Variants in VWA7 observed in about 807,000 individuals in gnomAD.
VWA7 encodes the protein von Willebrand factor A domain containing 7.
A neutral mutation model predicts 83.1 loss-of-function variants in VWA7; 66 were observed. The ratio of observed to expected loss-of-function variants is 0.79; its 90% CI spans 0.65 to 0.98. VWA7 has a LOEUF of 0.98. VWA7 is among the 50% of genes least tolerant of loss of function. The pLI is 0.00. For missense variants in VWA7, 1,080 were observed against 1,160.2 expected, an observed-to-expected ratio of 0.93 and a Z score of 1.00; for synonymous variants, 424 against 488.5, an observed-to-expected ratio of 0.87 and a Z score of 1.74.
chr6:31,776,364 A>G lies in VWA7; in HGVS notation c.235-122T>C, dbSNP rs1812689166. ...GGGTCCTGAGCCCCACAAAGGAGGGACAGTCCCGGACCTTTCTAAGGAGGG... is the reference window on the plus strand; with the variant it reads ...GGGTCCTGAGCCCCACAAAGGAGGGGCAGTCCCGGACCTTTCTAAGGAGGG... On this transcript the variant is annotated intron_variant, in intron 2 of 16. Coordinates refer to ENST00000375688, the MANE Select transcript of VWA7 (RefSeq NM_025258.3). The surrounding 1 kb of genome is among the most constrained non-coding windows in gnomAD (Gnocchi z 6.2). The G allele has an allele frequency of 7.2e-7, 1 of 1,390,236 alleles. No homozygotes were observed. Among genetic ancestry groups the G allele is most frequent in the Non-Finnish European group, 9.7e-7 (1 of 1,035,018 alleles). 86.1% of individuals were successfully genotyped at this position (1,390,236 alleles called of 1,614,324 possible).
In VWA7 at chr6:31,770,099, A is replaced by C. The variant is rs778353536; in HGVS notation, c.1102T>G (p.Phe368Val). ...AAGCTGTCAGGGTCACTGGTTGTAA[A>C]GACAGGGCCGAACCCTGGGAAGGGG... Reference protein sequence around the residue: ...PFHDPGFGPVFTTSDPDSFWQ... With the variant: ...PFHDPGFGPVVTTSDPDSFWQ... Residue 368 changes from phenylalanine (F) to valine (V), a missense_variant, in exon 8 of 17, where the codon TTT (phenylalanine) becomes GTT (valine). Phe to Val is a conservative substitution (Grantham distance 50, BLOSUM62 -1). Transcript: ENST00000375688. 1 of 1,612,990 alleles carries C rather than the reference A, an allele frequency of 6.2e-7. No individual in the cohort carries two copies. The highest frequency in any genetic ancestry group is 1.1e-5 in the South Asian group (1 of 91,086).
At position 31,773,814 on chromosome 6, in the gene VWA7, TC is replaced by T. The variant is rs1418797822; in HGVS notation, c.722-378del. ...GTGAACCGAGATCACGCCACTGCAC[TC>T]CAGCCTGGGTGGCAGAGCAAGACTC... is the stretch of plus-strand genomic sequence containing the variant. On this transcript the variant is annotated intron_variant, in intron 5 of 16. Coordinates refer to ENST00000375688, the MANE Select transcript of VWA7 (RefSeq NM_025258.3). This position sits in a 1 kb window ranked among gnomAD's most constrained non-coding sequence, Gnocchi z 5.3. Among the ~76,000 whole-genome samples the T allele has an allele frequency of 6.6e-6, 1 of 151,708 alleles. No individual in the cohort carries two copies. Among genetic ancestry groups the T allele is most frequent in the Non-Finnish European group, 1.5e-5 (1 of 67,962 alleles).
intron 12 of VWA7, 38 bp from the exon 13 acceptor site, chr6:31,767,288 A>G (rs751962094): frequency 2.5e-6 from 4 of 1,612,512 alleles, no homozygotes; most frequent in Non-Finnish European, 3.4e-6. Context: ...CCTTCCTGAA[A>G]GGAATGTGAC....
At position 31,769,185 on chromosome 6, in the gene VWA7, C is replaced by T. The variant is rs1374002768; in HGVS notation, c.1336G>A (p.Glu446Lys). The change falls in exon 10 of 17, where the codon GAA (glutamate) becomes AAA (lysine). Residue 446 changes from glutamate (E) to lysine (K), a missense_variant. Coordinates refer to ENST00000375688, the MANE Select transcript of VWA7 (RefSeq NM_025258.3). The surrounding 1 kb of genome is among the most constrained non-coding windows in gnomAD (Gnocchi z 4.5). ...CGACCCTGAACCCTTGATGTATCTT[C>T]AGTCACCAGGAATGTTACCTGTACC... ...RRCRVTFLVT[E>K]DTSRVQGRAR... The T allele has an allele frequency of 6.2e-7, 1 of 1,612,046 alleles. No homozygotes were observed. Among genetic ancestry groups the T allele is most frequent in the African/African-American group, 1.3e-5 (1 of 75,050 alleles).
At chr6:31,772,890 C>G in intron 7 of VWA7, 64 bp downstream of exon 7, 1 of 1,549,746 alleles carries the variant, frequency 6.5e-7, no homozygotes, top group African/African-American at 1.3e-5. Context: ...TGAGCCACCA[C>G]GCCCAGTCTA....
In VWA7 at chr6:31,766,179, C is replaced by T; in HGVS notation, c.2324+66G>A. ...AGGGCCAGTCGGAGGGGGACAGGGGCAGGGCTTGGGATAAGCATTGGCCGG... is the reference window on the plus strand; with the variant it reads ...AGGGCCAGTCGGAGGGGGACAGGGGTAGGGCTTGGGATAAGCATTGGCCGG... On this transcript the variant is annotated intron_variant, in intron 15 of 16. Transcript: ENST00000375688. This position sits in a 1 kb window ranked among gnomAD's most constrained non-coding sequence, Gnocchi z 4.9. 1 of 1,597,074 alleles carries T rather than the reference C, an allele frequency of 6.3e-7. No homozygotes were observed. The highest frequency in any genetic ancestry group is 8.5e-7 in the Non-Finnish European group (1 of 1,170,400).
At chr6:31,774,322 G>T (rs190489495) in intron 5 of VWA7, among the ~76,000 whole-genome samples, 194 bp downstream of exon 5, 14 of 152,076 alleles carry the variant, frequency 9.2e-5, no homozygotes, top group Non-Finnish European at 2.9e-5. Context: ...TCCTATCAGC[G>T]GAGGAAGAAG....
Position 31,773,425 on chromosome 6 carries a change from T to C in VWA7, c.734A>G (p.His245Arg). 1 of 1,592,480 alleles carries C rather than the reference T, an allele frequency of 6.3e-7. No homozygotes were observed. The change falls in exon 6 of 17, where the codon CAC becomes CGC. Residue 245 changes from histidine to arginine, a missense_variant. By Grantham distance (29) the His-to-Arg change is conservative. Coordinates refer to ENST00000375688, the MANE Select transcript of VWA7 (RefSeq NM_025258.3). This position sits in a 1 kb window ranked among gnomAD's most constrained non-coding sequence, Gnocchi z 5.3. Reference sequence around the variant, plus strand: ...GCTGCTCCGGTCAAAATGGCCCCCGTGGCTACATTTCCCTGGGTTGGGGAA... The same window carrying C: ...GCTGCTCCGGTCAAAATGGCCCCCGCGGCTACATTTCCCTGGGTTGGGGAA... ...HPPKPPGKCS[H>R]GGHFDRSSSQ...
At chr6:31,771,011 C>CAAAAA (rs36055758) in intron 7 of VWA7, among the ~76,000 whole-genome samples, 35 of 78,350 alleles carry the variant, frequency 4.5e-4, no homozygotes, top group African/African-American at 9.6e-4. Context: ...CTCTCTCTCT[C>CAAAAA]AAAAAAAAAA....
intron 7 of VWA7, among the ~76,000 whole-genome samples, chr6:31,772,579 C>CTTTTTT (rs1330466630): frequency 1.4e-5 from 1 of 72,004 alleles, no homozygotes; most frequent in East Asian, 3.7e-4. Flanking sequence ...TTTTTTCTTT[C>CTTTTTT]TTTTCTTTTT....
At position 31,766,796 on chromosome 6, in the gene VWA7, T is replaced by A. The variant is rs1341078168; in HGVS notation, c.1883-32A>T. 6.4e-7 allele frequency: 1 copy of A among 1,570,610 alleles called. No homozygotes were observed. On this transcript the variant is annotated intron_variant, in intron 13 of 16. Coordinates refer to ENST00000375688, the MANE Select transcript of VWA7 (RefSeq NM_025258.3). The surrounding 1 kb of genome is among the most constrained non-coding windows in gnomAD (Gnocchi z 4.9). The stretch of plus-strand genomic sequence containing the variant: ...CAGGGGCGAGGAGGGGAGAACATTG[T>A]GAGATTCGGAGACACAGGGAGAAAA...
At position 31,769,076 on chromosome 6, in the gene VWA7, G is replaced by T; in HGVS notation, c.1445C>A (p.Thr482Asn). The T allele has an allele frequency of 6.2e-7, 1 of 1,613,052 alleles. No homozygotes were observed. Among genetic ancestry groups the T allele is most frequent in the Admixed American group, 1.7e-5 (1 of 60,014 alleles). Reference sequence around the variant, plus strand: ...CACGTCTCGAATGTGCTGGTCTTTGGTGAAGATCACCTCTCCTCCTGAGGC... The same window carrying T: ...CACGTCTCGAATGTGCTGGTCTTTGTTGAAGATCACCTCTCCTCCTGAGGC... ...ALASGGEVIF[T>N]KDQHIRDVAA... The change falls in exon 10 of 17, where the codon ACC (threonine) becomes AAC (asparagine). Residue 482 changes from threonine (T) to asparagine (N), a missense_variant. Coordinates refer to ENST00000375688, the MANE Select transcript of VWA7 (RefSeq NM_025258.3). The surrounding 1 kb of genome is among the most constrained non-coding windows in gnomAD (Gnocchi z 4.5).
At position 31,776,546 on chromosome 6, in the gene VWA7, C is replaced by T. The variant is rs1167127314; in HGVS notation, c.234G>A (p.Leu78=). The T allele has an allele frequency of 3.2e-6, 5 of 1,546,076 alleles. No homozygotes were observed. Among genetic ancestry groups the T allele is most frequent in the Non-Finnish European group, 1.7e-6 (2 of 1,144,662 alleles). ...TGTGACAGGACCCTGGGATGCTCAC[C>T]AGGAAGTCCTCAAGACGAAGAGGGG... is the stretch of plus-strand genomic sequence containing the variant. ...GRPPLRLEDF[L]GRTLLADDLF... is the part of the protein sequence containing the mutation. The change falls in exon 2 of 17, where the codon CTG becomes CTA. Residue 78 remains leucine, a splice_region_variant and synonymous_variant. Transcript: ENST00000375688. This position sits in a 1 kb window ranked among gnomAD's most constrained non-coding sequence, Gnocchi z 6.2.
chr6:31,777,160 C>T lies in VWA7; in HGVS notation c.-67G>A. 2.8e-6 allele frequency: 1 copy of T among 358,368 alleles called. No homozygotes were observed. Among genetic ancestry groups the T allele is most frequent in the Non-Finnish European group, 5.1e-6 (1 of 197,892 alleles). The allele number at this position is 358,368 out of a possible 1,614,324, so 22.2% of individuals were successfully genotyped here. On this transcript the variant is annotated 5_prime_UTR_variant, in exon 1 of 17. Coordinates refer to ENST00000375688, the MANE Select transcript of VWA7 (RefSeq NM_025258.3). The surrounding 1 kb of genome is among the most constrained non-coding windows in gnomAD (Gnocchi z 5.8). ...CTGGCCCGGGCTTGACGTCACAGGG[C>T]ACTTAGGTCAGAGTTATAATTAACC...
Position 31,775,336 on chromosome 6 carries a change from G to C in VWA7, c.607C>G (p.Gln203Glu). 1 of 1,611,960 alleles carries C rather than the reference G, an allele frequency of 6.2e-7. No homozygotes were observed. The highest frequency in any genetic ancestry group is 1.1e-5 in the South Asian group (1 of 90,882). ...WPRQELQNLA[Q>E]VADPTCSDCE... ...ACCACCAGGGTCACAGCCATACCTTGTGCCAGGTTCTGGAGCTCCTGCCTT... is the reference window on the plus strand; with the variant it reads ...ACCACCAGGGTCACAGCCATACCTTCTGCCAGGTTCTGGAGCTCCTGCCTT... The change falls in exon 4 of 17, where the codon CAA becomes GAA. Residue 203 changes from glutamine (Q) to glutamate (E), a missense_variant. Transcript: ENST00000375688. This position sits in a 1 kb window ranked among gnomAD's most constrained non-coding sequence, Gnocchi z 5.9.
At position 31,766,108 on chromosome 6, in the gene VWA7, G is replaced by A; in HGVS notation, c.2325-51C>T. The A allele has an allele frequency of 6.2e-7, 1 of 1,604,012 alleles. No homozygotes were observed. Among genetic ancestry groups the A allele is most frequent in the Non-Finnish European group, 8.5e-7 (1 of 1,174,368 alleles). On this transcript the variant is annotated intron_variant, in intron 15 of 16. Transcript: ENST00000375688. This position sits in a 1 kb window ranked among gnomAD's most constrained non-coding sequence, Gnocchi z 4.9. ...AAAGCTCCAGGCTGCCCAGAGCCTA[G>A]AGTCGGGACGCCTGCAGGGGCACGG...
Position 31,767,628 on chromosome 6 carries a change from G to T in VWA7, c.1630C>A (p.Pro544Thr). 1 of 1,610,562 alleles carries T rather than the reference G, an allele frequency of 6.2e-7. No homozygotes were observed. The highest frequency in any genetic ancestry group is 8.5e-7 in the Non-Finnish European group (1 of 1,176,992). Residue 544 changes from proline to threonine, a missense_variant, in exon 11 of 17, where the codon CCT becomes ACT. Coordinates refer to ENST00000375688, the MANE Select transcript of VWA7 (RefSeq NM_025258.3). ...CCTCTACCTTCAGAGGTACCTGCAG[G>T]GTTCTTGATCCAGAAGCTGCTGATG... ...GDISSFWIKNPAGVSQGQEEG... is the reference protein window; with the variant it reads ...GDISSFWIKNTAGVSQGQEEG...
intron 10 of VWA7, among the ~76,000 whole-genome samples, chr6:31,768,155 A>G (rs1372632041): frequency 3.5e-5 from 5 of 144,658 alleles, no homozygotes; most frequent in East Asian, 3.9e-4. Flanking sequence ...AAAAAAAAAA[A>G]AAAAAAAGAA....
intron 10 of VWA7, among the ~76,000 whole-genome samples, chr6:31,768,139 C>CAAAAAAAAAAAAAAAAAAAA (rs9279412): frequency 1.0e-4 from 8 of 77,108 alleles, no homozygotes; most frequent in African/African-American, 2.6e-4. Flanking sequence ...GACTCTGTCT[C>CAAAAAAAAAAAAAAAAAAAA]AAAAAAAAAA....
Sources: gnomAD v4.1 joint callset for allele counts (sites outside exome capture counted in the v4.1 genomes callset) on GRCh38, gnomAD v4.1.1 for gene constraint, Gnocchi (gnomAD v3.1) non-coding constraint, MANE v1.5 for transcripts, NCBI Gene and HGNC (gene_info 2026-07-23, HGNC 2026-07-21) for gene names.